ATPAF1: variants seen among roughly 807,000 people sequenced by gnomAD.
ATPAF1 encodes the protein homolog of yeast ATP11.
Under a neutral mutation model 43.9 loss-of-function variants are expected in ATPAF1, and 26 were observed. The ratio of observed to expected loss-of-function variants is 0.59; its 90% CI spans 0.43 to 0.82. The LOEUF (loss-of-function observed/expected upper bound fraction) is 0.82, where lower values mean the gene tolerates loss of function less well. Among genes scored for constraint, ATPAF1 ranks in the 40% least tolerant of loss-of-function variants. The probability of loss-of-function intolerance (pLI) is 0.00; values close to 1 mark genes in which losing one functional copy is unlikely to be tolerated. For synonymous variants in ATPAF1, 157 were observed against 168.0 expected, an observed-to-expected ratio of 0.93 and a Z score of 0.50; for missense variants, 366 against 435.0, an observed-to-expected ratio of 0.84 and a Z score of 1.41.
At chr1:46,641,052 T>C (rs1381696067) in intron 8 of ATPAF1, among the ~76,000 whole-genome samples, 1 of 152,192 alleles carries the variant, frequency 6.6e-6, no homozygotes, top group East Asian at 1.9e-4. Flanking sequence ...CATTTCCCTC[T>C]CCACTGGATC....
intron 6 of ATPAF1, among the ~76,000 whole-genome samples, chr1:46,646,966 T>C (rs1676055023): frequency 6.6e-6 from 1 of 152,222 alleles, no homozygotes; most frequent in Admixed American, 6.5e-5. Context: ...TTTGGTTTGG[T>C]TACTTTCAGT....
chr1:46,648,394 G>A (rs964231791), intron 6 of ATPAF1, among the ~76,000 whole-genome samples: 4 of 152,106 alleles, frequency 2.6e-5, no homozygotes, highest in Admixed American at 1.3e-4. Flanking sequence ...TTACATGCGT[G>A]AGCCACCACA....
intron 4 of ATPAF1, among the ~76,000 whole-genome samples, chr1:46,654,731 C>T (rs1312925766): frequency 6.6e-6 from 1 of 151,886 alleles, no homozygotes; most frequent in African/African-American, 2.4e-5. Flanking sequence ...TGGTGTTCCC[C>T]ACTCTGTGTC....
At chr1:46,660,520 C>T (rs1215919903) in intron 2 of ATPAF1, among the ~76,000 whole-genome samples, 2 of 152,146 alleles carry the variant, frequency 1.3e-5, no homozygotes, top group Admixed American at 1.3e-4. Flanking sequence ...TCTTAAGATG[C>T]ACCATTATTT....
Position 46,658,732 on chromosome 1 carries a change from ATC to A in ATPAF1, c.379_380del (p.Asp127CysfsTer13). 1 of 1,600,360 alleles carries A rather than the reference ATC, an allele frequency of 6.2e-7. No individual in the cohort carries two copies. Among genetic ancestry groups the A allele is most frequent in the African/African-American group, 1.3e-5 (1 of 74,240 alleles). ...TGTTCACAGACTGTTTCCCCAAGGC[ATC>A]TGTCTGAAATATATAAGACAAGATA... is the stretch of plus-strand genomic sequence containing the variant. On this transcript the variant is annotated frameshift_variant, in exon 3 of 9. Transcript: ENST00000574428. LOFTEE classifies it high-confidence loss of function.
chr1:46,639,490 A>G (rs1188980972), intron 8 of ATPAF1, among the ~76,000 whole-genome samples: 1 of 152,220 alleles, frequency 6.6e-6, no homozygotes, highest in East Asian at 1.9e-4. Context: ...CTGCATTTCA[A>G]TGAAATCATC....
At chr1:46,633,953 G>A (rs1675792995), downstream of ATPAF1, 1 of 404,320 alleles carries the variant, frequency 2.5e-6, no homozygotes, top group Non-Finnish European at 4.9e-6. Context: ...GGGCAGATAA[G>A]ACTCAAGTTT....
chr1:46,644,578 T>A (rs2148817056), intron 7 of ATPAF1, among the ~76,000 whole-genome samples: 1 of 152,256 alleles, frequency 6.6e-6, no homozygotes, highest in African/African-American at 2.4e-5. Context: ...TTTTGCCACA[T>A]TTGACCTCCA....
chr1:46,644,584 C>T (rs1455307842), intron 7 of ATPAF1, among the ~76,000 whole-genome samples: 1 of 152,072 alleles, frequency 6.6e-6, no homozygotes, highest in Non-Finnish European at 1.5e-5. Context: ...CACATTTGAC[C>T]TCCAAATATA....
At chr1:46,645,064 TA>T in intron 7 of ATPAF1, 96 bp downstream of exon 7, 1 of 881,744 alleles carries the variant, frequency 1.1e-6, no homozygotes. Context: ...ATGCTGGGAG[TA>T]AGCAGCTATT....
intron 6 of ATPAF1, among the ~76,000 whole-genome samples, chr1:46,645,841 A>G (rs1239463841): frequency 6.6e-6 from 1 of 152,142 alleles, no homozygotes; most frequent in Non-Finnish European, 1.5e-5. Flanking sequence ...TTCATATTTT[A>G]ATACTTTAAT....
intron 4 of ATPAF1, among the ~76,000 whole-genome samples, chr1:46,657,530 C>G (rs1676295001): frequency 6.6e-6 from 1 of 152,150 alleles, no homozygotes; most frequent in South Asian, 2.1e-4. Context: ...ATAGCACTTA[C>G]TCTATGCCAG....
intron 1 of ATPAF1, among the ~76,000 whole-genome samples, chr1:46,667,799 A>C (rs1282654688): frequency 1.3e-5 from 2 of 152,198 alleles, no homozygotes; most frequent in East Asian, 3.8e-4. Flanking sequence ...CAGGGCTGTC[A>C]TAAGAGTCCA....
intron 2 of ATPAF1, among the ~76,000 whole-genome samples, chr1:46,660,442 T>G (rs1412623924): frequency 1.3e-5 from 2 of 152,222 alleles, no homozygotes; most frequent in Non-Finnish European, 2.9e-5. Flanking sequence ...CCATTTTCAC[T>G]TATAGAAATA....
chr1:46,666,410 A>T (rs1676492570), intron 1 of ATPAF1: 1 of 152,400 alleles, frequency 6.6e-6, no homozygotes, highest in African/African-American at 2.4e-5. Flanking sequence ...TGGGCCTGCC[A>T]TAGTGAAGGG....
Position 46,654,569 on chromosome 1 carries a change from A to G in ATPAF1, c.490-702T>C, listed in dbSNP as rs906370623. ...TTATTATTATTATTATTGTACTTTAAGTTCTAGGGTACATGTGTACAACAT... is the reference window on the plus strand; with the variant it reads ...TTATTATTATTATTATTGTACTTTAGGTTCTAGGGTACATGTGTACAACAT... On this transcript the variant is annotated intron_variant, in intron 4 of 8. Transcript: ENST00000574428. Among the ~76,000 whole-genome samples the G allele has an allele frequency of 2.5e-4, 34 of 136,544 alleles. No homozygotes were observed. The Admixed American group carries it at 2.5e-3, about 10-fold the overall frequency. The allele number at this position is 136,544 out of a possible 152,430, so 89.6% of individuals were successfully genotyped here.
At chr1:46,651,370 G>C (rs2148820451) in intron 6 of ATPAF1, among the ~76,000 whole-genome samples, 1 of 152,014 alleles carries the variant, frequency 6.6e-6, no homozygotes, top group East Asian at 1.9e-4. Flanking sequence ...TGGTGTATAT[G>C]TGCCACATTT....
At chr1:46,635,696 C>T in exon 9 of ATPAF1, 1 of 1,378,900 alleles carries the variant, frequency 7.3e-7, no homozygotes, top group South Asian at 1.4e-5. Context: ...AAATGCTGAG[C>T]TCTTGAGTTC....
Position 46,653,946 on chromosome 1 carries a change from T to A in ATPAF1, c.490-79A>T, listed in dbSNP as rs1263671667. 7.4e-7 allele frequency: 1 copy of A among 1,354,806 alleles called. No homozygotes were observed. The highest frequency in any genetic ancestry group is 1.0e-6 in the Non-Finnish European group (1 of 956,164). The allele number at this position is 1,354,806 out of a possible 1,614,324, so 83.9% of individuals were successfully genotyped here. A position where few individuals can be genotyped will look rare whatever the true frequency, so the allele number is the denominator to read the frequency against. On this transcript the variant is annotated intron_variant, in intron 4 of 8. Transcript: ENST00000574428. This position sits in a 1 kb window ranked among gnomAD's most constrained non-coding sequence, Gnocchi z 4.8. ...TGCCAAGAAATGGTGACAGTTTTCA[T>A]TGCTCAGAGGAATATGCTATTTGAT... is the stretch of plus-strand genomic sequence containing the variant.
Sources: gnomAD v4.1 joint callset for allele counts (sites outside exome capture counted in the v4.1 genomes callset) on GRCh38, gnomAD v4.1.1 for gene constraint, Gnocchi (gnomAD v3.1) non-coding constraint, MANE v1.5 for transcripts, NCBI Gene and HGNC (gene_info 2026-07-23, HGNC 2026-07-21) for gene names.